The following PTPRS variants were observed in gnomAD, a reference collection of about 807,000 sequenced individuals.
PTPRS encodes the protein protein tyrosine phosphatase receptor type S, also known as receptor-type tyrosine-protein phosphatase S.
Under a neutral mutation model 215.3 loss-of-function variants are expected in PTPRS, and 63 were observed. The observed-to-expected ratio is 0.29, with a 90% CI of 0.24 to 0.36. The LOEUF (loss-of-function observed/expected upper bound fraction) is 0.36. PTPRS is among the 10% of genes least tolerant of loss of function. The probability of loss-of-function intolerance (pLI) is 1.00; values close to 1 mark genes in which losing one functional copy is unlikely to be tolerated. For synonymous variants in PTPRS, 1,404 were observed against 1,191.4 expected, an observed-to-expected ratio of 1.18 and a Z score of -3.68; for missense variants, 2,258 against 2,825.8, an observed-to-expected ratio of 0.80 and a Z score of 4.56.
At chr19:5,251,734 C>T (rs1168665881) in intron 9 of PTPRS, among the ~76,000 whole-genome samples, 2 of 152,130 alleles carry the variant, frequency 1.3e-5, no homozygotes. Flanking sequence ...GGAGGGACGC[C>T]TGCCTTCCCG....
At position 5,294,761 on chromosome 19, in the gene PTPRS, T is replaced by C. The variant is rs538883477; in HGVS notation, c.-94-8527A>G. 5 of 152,194 alleles carry C rather than the reference T, an allele frequency of 3.3e-5. No individual in the cohort carries two copies. The highest frequency in any genetic ancestry group is 7.3e-5 in the Non-Finnish European group (5 of 68,048). The allele number at this position is 152,194 out of a possible 1,614,324, so 9.4% of individuals were successfully genotyped here. A position where few individuals can be genotyped will look rare whatever the true frequency, so the allele number is the denominator to read the frequency against. ...AATCGCCCCGCCCCATCTCCAACAATAGGTGGCCTAGTCCACAAAGCACCA... is the reference window on the plus strand; with the variant it reads ...AATCGCCCCGCCCCATCTCCAACAACAGGTGGCCTAGTCCACAAAGCACCA... On this transcript the variant is annotated intron_variant, in intron 1 of 37. Coordinates refer to ENST00000262963, the MANE Select transcript of PTPRS (RefSeq NM_002850.4). The surrounding 1 kb of genome is among the most constrained non-coding windows in gnomAD (Gnocchi z 5.1).
At chr19:5,319,715 C>T (rs2049974887) in intron 1 of PTPRS, among the ~76,000 whole-genome samples, 1 of 152,062 alleles carries the variant, frequency 6.6e-6, no homozygotes, top group African/African-American at 2.4e-5. Flanking sequence ...AGGCGTGGTC[C>T]TGCCCCGGGG....
intron 10 of PTPRS, 109 bp downstream of exon 10, chr19:5,245,667 C>A (rs1256037463): frequency 2.1e-5 from 30 of 1,433,788 alleles, no homozygotes; most frequent in Non-Finnish European, 2.7e-5. Context: ...ATGACTGAAG[C>A]CAAGAGGGTA....
intron 1 of PTPRS, among the ~76,000 whole-genome samples, chr19:5,315,075 T>C (rs1008136886): frequency 2.6e-5 from 4 of 152,184 alleles, no homozygotes; most frequent in African/African-American, 9.7e-5. Context: ...CTTTTGCCCA[T>C]GCTGTTCCAT....
At chr19:5,260,937 G>A in intron 6 of PTPRS, 115 bp from the exon 7 acceptor site, 1 of 1,273,036 alleles carries the variant, frequency 7.9e-7, no homozygotes, top group Non-Finnish European at 1.1e-6. Flanking sequence ...TCTGCCCCAG[G>A]GAGGGGATCG....
chr19:5,315,152 T>G (rs938965406), intron 1 of PTPRS, among the ~76,000 whole-genome samples: 9 of 151,978 alleles, frequency 5.9e-5, no homozygotes, highest in African/African-American at 1.9e-4. Context: ...ACTTCTTAGA[T>G]CAGCCACCGC....
At chr19:5,273,612 A>T in intron 3 of PTPRS, 29 bp from the exon 4 acceptor site, 1 of 1,613,460 alleles carries the variant, frequency 6.2e-7, no homozygotes. Context: ...AAAAGAACAG[A>T]GTGAGGCTGG....
Position 5,237,674 on chromosome 19 carries a change from T to A in PTPRS, c.1849+1245A>T, listed in dbSNP as rs1184121735. Among the ~76,000 whole-genome samples, 3 of 152,118 alleles carry A rather than the reference T, an allele frequency of 2.0e-5. No homozygotes were observed. Among genetic ancestry groups the A allele is most frequent in the Non-Finnish European group, 4.4e-5 (3 of 68,010 alleles). ...GGGTGGGCCGTTTTTGTGAACCTGC[T>A]TGAGACCAGCGTGTACTCACCTTCA... On this transcript the variant is annotated intron_variant, in intron 13 of 37. Transcript: ENST00000262963. The surrounding 1 kb of genome is among the most constrained non-coding windows in gnomAD (Gnocchi z 4.2).
Position 5,212,499 on chromosome 19 carries a change from C to T in PTPRS, c.4615-8G>A, listed in dbSNP as rs1292183821. On this transcript the variant is annotated splice_region_variant and splice_polypyrimidine_tract_variant and intron_variant, in intron 30 of 37. Transcript: ENST00000262963. The stretch of plus-strand genomic sequence containing the variant: ...TTTCTCACTGGAGCCATTCTGGGGA[C>T]CACAAGGATGTCACCTGTCACTCCG... 4 of 1,581,390 alleles carry T rather than the reference C, an allele frequency of 2.5e-6. No homozygotes were observed. In the East Asian group the frequency reaches 9.3e-5, roughly 37 times the overall value.
Position 5,257,409 on chromosome 19 carries a change from C to T in PTPRS, c.706+608G>A, listed in dbSNP as rs1267010220. On this transcript the variant is annotated intron_variant, in intron 8 of 37. Coordinates refer to ENST00000262963, the MANE Select transcript of PTPRS (RefSeq NM_002850.4). The surrounding 1 kb of genome is among the most constrained non-coding windows in gnomAD (Gnocchi z 4.4). ...TGTGCCCGCTGTGGCTCCAGCCTCC[C>T]ATCGGCCTGGACTGCCCTTCTCGGA... is the stretch of plus-strand genomic sequence containing the variant. 2 of 457,204 alleles carry T rather than the reference C, an allele frequency of 4.4e-6. No individual in the cohort carries two copies. The highest frequency in any genetic ancestry group is 8.8e-6 in the Non-Finnish European group (2 of 227,194). The allele number at this position is 457,204 out of a possible 1,614,324, so 28.3% of individuals were successfully genotyped here.
intron 1 of PTPRS, among the ~76,000 whole-genome samples, chr19:5,316,691 C>T (rs748981126): frequency 2.6e-5 from 4 of 152,140 alleles, no homozygotes; most frequent in Non-Finnish European, 5.9e-5. Context: ...CCGCGCCTGG[C>T]CTAATTTTCG....
Position 5,216,969 on chromosome 19 carries a change from C to T in PTPRS, c.4049-202G>A, listed in dbSNP as rs62113239. Reference sequence around the variant, plus strand: ...TGTACCCCTCTGGCTGGACACCAGTCAATCCTGGTCTTGACCCGTCACTCT... The same window carrying T: ...TGTACCCCTCTGGCTGGACACCAGTTAATCCTGGTCTTGACCCGTCACTCT... On this transcript the variant is annotated intron_variant, in intron 25 of 37. Transcript: ENST00000262963. Among the ~76,000 whole-genome samples the T allele has an allele frequency of 4.0e-3, 613 of 152,324 alleles. 8 individuals are homozygous for T. Among genetic ancestry groups the T allele is most frequent in the South Asian group, 6.4e-3 (31 of 4,834 alleles).
intron 19 of PTPRS, 151 bp from the exon 20 acceptor site, chr19:5,221,404 C>A: frequency 1.8e-6 from 1 of 556,738 alleles, no homozygotes; most frequent in Non-Finnish European, 2.9e-6. Flanking sequence ...TCCCTGATCC[C>A]AGGCTGAGTC....
At chr19:5,304,963 G>C (rs1713628049) in intron 1 of PTPRS, among the ~76,000 whole-genome samples, 1 of 150,946 alleles carries the variant, frequency 6.6e-6, no homozygotes, top group African/African-American at 2.4e-5. Context: ...AGGGGGGGTG[G>C]GGTGGCAGAA....
At chr19:5,283,169 C>A (rs62115115) in intron 2 of PTPRS, among the ~76,000 whole-genome samples, 26,468 of 152,154 alleles carry the variant, frequency 0.17, 2,703 homozygotes, top group Non-Finnish European at 0.24. Context: ...CCCCTCCAAC[C>A]CTGCCCGGGG....
intron 19 of PTPRS, among the ~76,000 whole-genome samples, chr19:5,221,696 C>T (rs1010960516): frequency 1.6e-4 from 24 of 152,068 alleles, no homozygotes; most frequent in African/African-American, 5.6e-4. Flanking sequence ...ACCCCCGATC[C>T]CAGACTTGGC....
chr19:5,251,295 C>T (rs1360795929), intron 9 of PTPRS, among the ~76,000 whole-genome samples: 1 of 152,078 alleles, frequency 6.6e-6, no homozygotes, highest in Non-Finnish European at 1.5e-5. Flanking sequence ...TCCCCCCCAC[C>T]GCCAGCTCCC....
intron 2 of PTPRS, among the ~76,000 whole-genome samples, chr19:5,276,772 G>C (rs1033495757): frequency 6.6e-6 from 1 of 151,790 alleles, no homozygotes; most frequent in East Asian, 2.0e-4. Context: ...TCGATCTCCT[G>C]ACCTCGTGAT....
intron 16 of PTPRS, among the ~76,000 whole-genome samples, chr19:5,227,211 G>A (rs116528353): frequency 9.9e-5 from 15 of 151,972 alleles, no homozygotes; most frequent in African/African-American, 3.4e-4. Flanking sequence ...CACATGCCTG[G>A]CTAATGATGT....
Sources: allele counts gnomAD v4.1 joint callset (sites outside exome capture counted in the v4.1 genomes callset), GRCh38; gene constraint gnomAD v4.1.1; non-coding constraint Gnocchi (gnomAD v3.1); transcripts MANE v1.5; gene names NCBI Gene and HGNC (gene_info 2026-07-23, HGNC 2026-07-21).